The following CLMN variants were observed in gnomAD, a reference collection of about 807,000 sequenced individuals.
CLMN encodes calmin, also known as calmin (calponin-like, transmembrane).
CLMN carries 57 observed loss-of-function variants against 92.7 expected under a neutral mutation model. The observed-to-expected ratio is 0.61, with a 90% CI of 0.50 to 0.77. The LOEUF (loss-of-function observed/expected upper bound fraction) is 0.77, where lower values mean the gene tolerates loss of function less well. Among genes scored for constraint, CLMN ranks in the 30% least tolerant of loss-of-function variants. The pLI is 0.00. For synonymous variants in CLMN, 466 were observed against 470.6 expected, an observed-to-expected ratio of 0.99 and a Z score of 0.13; for missense variants, 1,158 against 1,237.5, an observed-to-expected ratio of 0.94 and a Z score of 0.96.
chr14:95,229,942 C>A, intron 2 of CLMN, 130 bp downstream of exon 2: 3 of 828,646 alleles, frequency 3.6e-6, no homozygotes, highest in South Asian at 3.2e-5. Context: ...CAGGGGGAGG[C>A]ACTTATAAAT....
rs1896418037 is a variant in CLMN at position 95,185,376 on chromosome 14, C to T, written c.*6188G>A. 6.6e-6 allele frequency: 1 copy of T among 152,316 alleles called. No homozygotes were observed. The highest frequency in any genetic ancestry group is 6.5e-5 in the Admixed American group (1 of 15,274). The allele number at this position is 152,316 out of a possible 1,614,324, so 9.4% of individuals were successfully genotyped here. A position where few individuals can be genotyped will look rare whatever the true frequency, so the allele number is the denominator to read the frequency against. On this transcript the variant is annotated 3_prime_UTR_variant, in exon 13 of 13. Transcript: ENST00000298912. ...AAAAGAGCCATAGCAATTTTCAGCACAGAAGCACAATAATGCCCACTCCAG... is the reference window on the plus strand; with the variant it reads ...AAAAGAGCCATAGCAATTTTCAGCATAGAAGCACAATAATGCCCACTCCAG...
At chr14:95,311,076 G>C (rs553471622) in intron 1 of CLMN, among the ~76,000 whole-genome samples, 2 of 152,232 alleles carry the variant, frequency 1.3e-5, no homozygotes, top group African/African-American at 4.8e-5. Flanking sequence ...AGGCAAACGT[G>C]GGAAGGCCCA....
Position 95,186,832 on chromosome 14 carries a change from A to T in CLMN, c.*4732T>A, listed in dbSNP as rs1485702783. 6.6e-6 allele frequency: 1 copy of T among 152,314 alleles called. No individual in the cohort carries two copies. The highest frequency in any genetic ancestry group is 2.1e-4 in the South Asian group (1 of 4,824). The allele number at this position is 152,314 out of a possible 1,614,324, so 9.4% of individuals were successfully genotyped here. On this transcript the variant is annotated 3_prime_UTR_variant, in exon 13 of 13. Transcript: ENST00000298912. ...TGCCTTGGCCTCCCAAAGGGCTGGG[A>T]TTATAGGTGTGAGCCACTACTGTGC... is the stretch of plus-strand genomic sequence containing the variant.
At chr14:95,272,989 T>C (rs1270096274) in intron 1 of CLMN, among the ~76,000 whole-genome samples, 1 of 152,172 alleles carries the variant, frequency 6.6e-6, no homozygotes, top group African/African-American at 2.4e-5. Context: ...AAGCAAACAA[T>C]GCAGTAGTGG....
rs779196339 is a variant in CLMN, at chr14:95,210,762, G to A, written c.726C>T (p.Ser242=). The A allele has an allele frequency of 2.5e-6, 4 of 1,608,552 alleles. No homozygotes were observed. Among genetic ancestry groups the A allele is most frequent in the African/African-American group, 2.7e-5 (2 of 74,274 alleles). Residue 242 remains serine, a synonymous_variant, in exon 7 of 13, where the codon TCC becomes TCT. Coordinates refer to ENST00000298912, the MANE Select transcript of CLMN (RefSeq NM_024734.4). ...AAGCCTTCTCTAGATTTTCTCGTGT[G>A]GAATTTTCCAGGGCCTGTTTCATGT... The part of the protein sequence containing the change: ...LVDMKQALEN[S]TRENLEKAFS...
intron 2 of CLMN, among the ~76,000 whole-genome samples, chr14:95,225,742 G>C (rs1394362464): frequency 1.3e-5 from 2 of 152,198 alleles, no homozygotes; most frequent in African/African-American, 4.8e-5. Flanking sequence ...TCTCCCTGAG[G>C]GGAAACGCAA....
intron 1 of CLMN, among the ~76,000 whole-genome samples, chr14:95,269,810 T>C (rs1899633559): frequency 6.6e-6 from 1 of 152,116 alleles, no homozygotes; most frequent in African/African-American, 2.4e-5. Flanking sequence ...TTCTGGACAC[T>C]GGAATGGGAG....
At position 95,203,702 on chromosome 14, in the gene CLMN, A is replaced by C. The variant is rs1896957515; in HGVS notation, c.1647T>G (p.Ala549=). The C allele has an allele frequency of 1.9e-6, 3 of 1,614,070 alleles. No individual in the cohort carries two copies. The highest frequency in any genetic ancestry group is 2.7e-5 in the African/African-American group (2 of 74,922). ...QIKVNLMTVE[A]LEEGDYFEAI... is the part of the protein sequence containing the mutation. ...CTTCAAAATAGTCTCCCTCCTCTAA[A>C]GCTTCTACAGTCATCAGGTTAACCT... Residue 549 remains alanine (A), a synonymous_variant, in exon 9 of 13, where the codon GCT becomes GCG. Transcript: ENST00000298912.
Position 95,203,870 on chromosome 14 carries a change from A to G in CLMN, c.1479T>C (p.Ile493=), listed in dbSNP as rs748454919. 1 of 1,614,162 alleles carries G rather than the reference A, an allele frequency of 6.2e-7. No individual in the cohort carries two copies. The highest frequency in any genetic ancestry group is 8.5e-7 in the Non-Finnish European group (1 of 1,180,024). Residue 493 remains isoleucine (I), a synonymous_variant, in exon 9 of 13, where the codon ATT becomes ATC. Transcript: ENST00000298912. The stretch of plus-strand genomic sequence containing the variant: ...TATTGTTTGTGCCCTCCACCAAAAA[A>G]ATGTCACCAGCGACCTTGTCAGAGG... ...ESSSDKVAGD[I]FLVEGTNNNS... is the part of the protein sequence containing the mutation.
At chr14:95,216,585 C>T (rs1897355407) in intron 4 of CLMN, among the ~76,000 whole-genome samples, 1 of 152,212 alleles carries the variant, frequency 6.6e-6, no homozygotes, top group African/African-American at 2.4e-5. Context: ...AAACACAGAG[C>T]ACCGACATGA....
intron 1 of CLMN, among the ~76,000 whole-genome samples, chr14:95,286,145 G>A (rs1900333668): frequency 2.6e-5 from 4 of 152,162 alleles, no homozygotes; most frequent in Admixed American, 2.6e-4. Flanking sequence ...ATGTGGTTAT[G>A]CTTTTTAAAA....
At chr14:95,309,499 C>T (rs1020998530) in intron 1 of CLMN, among the ~76,000 whole-genome samples, 7 of 152,206 alleles carry the variant, frequency 4.6e-5, no homozygotes, top group African/African-American at 1.7e-4. Flanking sequence ...CCTCTTTGTC[C>T]CAGGGCCACA....
intron 1 of CLMN, among the ~76,000 whole-genome samples, chr14:95,284,192 G>T (rs949413157): frequency 6.6e-6 from 1 of 152,208 alleles, no homozygotes; most frequent in African/African-American, 2.4e-5. Context: ...ATGTGGTGTT[G>T]AGTCTGCAGG....
intron 1 of CLMN, among the ~76,000 whole-genome samples, chr14:95,235,695 G>A (rs1898029713): frequency 6.6e-6 from 1 of 152,196 alleles, no homozygotes; most frequent in Non-Finnish European, 1.5e-5. Flanking sequence ...CATGAGAGGT[G>A]TTTTGCCTAG....
At chr14:95,273,539 G>A (rs746111427) in intron 1 of CLMN, among the ~76,000 whole-genome samples, 30 of 152,166 alleles carry the variant, frequency 2.0e-4, no homozygotes, top group Non-Finnish European at 4.3e-4. Context: ...ACTACTCCCA[G>A]TGCAGTAAGC....
intron 1 of CLMN, among the ~76,000 whole-genome samples, chr14:95,274,198 C>T (rs961235452): frequency 6.6e-6 from 1 of 152,108 alleles, no homozygotes; most frequent in Non-Finnish European, 1.5e-5. Context: ...TTCTCCTGAA[C>T]GTGTTTAGCC....
chr14:95,310,356 C>T (rs1901480637), intron 1 of CLMN, among the ~76,000 whole-genome samples: 2 of 152,240 alleles, frequency 1.3e-5, no homozygotes, highest in Admixed American at 1.3e-4. Context: ...CTTCCATGAT[C>T]ACATCTCCTG....
At chr14:95,229,915 C>T (rs982697793) in intron 2 of CLMN, among the ~76,000 whole-genome samples, 157 bp downstream of exon 2, 6 of 152,216 alleles carry the variant, frequency 3.9e-5, no homozygotes, top group African/African-American at 1.4e-4. Context: ...CTTCCCAATC[C>T]TGAGCTTGGT....
rs1379578363 is a variant in CLMN at position 95,209,376 on chromosome 14, G to T, written c.885+19C>A. The stretch of plus-strand genomic sequence containing the variant: ...GAAATGTATGGTGTCGGAATTAAAG[G>T]TAAGAAAAGCAAACATACGGCTTCC... On this transcript the variant is annotated intron_variant, in intron 8 of 12. Coordinates refer to ENST00000298912, the MANE Select transcript of CLMN (RefSeq NM_024734.4). 15 of 1,611,388 alleles carry T rather than the reference G, an allele frequency of 9.3e-6. No homozygotes were observed. The highest frequency in any genetic ancestry group is 3.3e-5 in the Admixed American group (2 of 59,990).
Sources: gnomAD v4.1 joint callset for allele counts (sites outside exome capture counted in the v4.1 genomes callset) on GRCh38, gnomAD v4.1.1 for gene constraint, MANE v1.5 for transcripts, NCBI Gene and HGNC (gene_info 2026-07-23, HGNC 2026-07-21) for gene names.